Variants in TUBGCP6 observed in about 807,000 individuals in gnomAD.
The protein encoded by TUBGCP6 is gamma-tubulin complex component 6.
Under a neutral mutation model 175.8 loss-of-function variants are expected in TUBGCP6, and 161 were observed. That is an observed-to-expected ratio of 0.92 (90% CI 0.81 to 1.04). The LOEUF is 1.04. Ranked by LOEUF, TUBGCP6 falls within the 50% of genes least tolerant of loss-of-function variation. The pLI is 0.00. For missense variants in TUBGCP6, 2,572 were observed against 2,433.0 expected, an observed-to-expected ratio of 1.06 and a Z score of -1.20; for synonymous variants, 1,173 against 1,030.5, an observed-to-expected ratio of 1.14 and a Z score of -2.65.
chr22:50,240,413 C>T (rs754772527), intron 1 of TUBGCP6, 46 bp from the exon 2 acceptor site: 9 of 1,608,044 alleles, frequency 5.6e-6, no homozygotes, highest in Non-Finnish European at 6.0e-6. Flanking sequence ...GCTGTGTCCA[C>T]GTTTCATCCA....
chr22:50,226,137 G>C lies in TUBGCP6; in HGVS notation c.1746C>G (p.Asp582Glu). 6.2e-7 allele frequency: 1 copy of C among 1,614,184 alleles called. No individual in the cohort carries two copies. The highest frequency in any genetic ancestry group is 1.1e-5 in the South Asian group (1 of 91,092). The change falls in exon 9 of 25, where the codon GAC (aspartate) becomes GAG (glutamate). Residue 582 changes from aspartate to glutamate, a missense_variant. Asp to Glu is a conservative substitution (Grantham distance 45). Transcript: ENST00000248846. ...TGTGCTTCAGAAACACGGGAACACAGTCCTCCACCTCTTTGGAGATGAGCA... is the reference window on the plus strand; with the variant it reads ...TGTGCTTCAGAAACACGGGAACACACTCCTCCACCTCTTTGGAGATGAGCA... ...GYVLISKEVE[D>E]CVPVFLKHIA...
rs138258279 is a variant in TUBGCP6, at chr22:50,221,747, G to A, written c.2612C>T (p.Pro871Leu). 4.1e-5 allele frequency: 62 copies of A among 1,516,034 alleles called. No homozygotes were observed. The highest frequency in any genetic ancestry group is 9.0e-5 in the Admixed American group (4 of 44,354). The allele number at this position is 1,516,034 out of a possible 1,614,324, so 93.9% of individuals were successfully genotyped here. The change falls in exon 16 of 25, where the codon CCT (proline) becomes CTT (leucine). Residue 871 changes from proline (P) to leucine (L), a missense_variant. Transcript: ENST00000248846. Reference protein sequence around the residue: ...PGLLTPQPLKPLAVGAGGRGL... With the variant: ...PGLLTPQPLKLLAVGAGGRGL... Reference sequence around the variant, plus strand: ...CCTGCCACCAGCCCCCACTGCTAGAGGCTTAAGGGGCTGTGGGGTCAGCAG... The same window carrying A: ...CCTGCCACCAGCCCCCACTGCTAGAAGCTTAAGGGGCTGTGGGGTCAGCAG...
At chr22:50,232,902 C>A (rs1200694609) in intron 3 of TUBGCP6, among the ~76,000 whole-genome samples, 1 of 152,224 alleles carries the variant, frequency 6.6e-6, no homozygotes, top group Non-Finnish European at 1.5e-5. Context: ...ACCAGTAAGG[C>A]CCGGCCCCAT....
intron 10 of TUBGCP6, 130 bp from the exon 11 acceptor site, chr22:50,224,722 C>G (rs1247236197): frequency 1.2e-6 from 1 of 856,846 alleles, no homozygotes; most frequent in Non-Finnish European, 1.8e-6. Flanking sequence ...GCCTGGACAA[C>G]ATAGCAAAAA....
chr22:50,222,485 C>T lies in TUBGCP6; in HGVS notation c.2378G>A (p.Arg793His), dbSNP rs1455375079. The stretch of plus-strand genomic sequence containing the variant: ...GTGTTTCTCATCTTCTAAGAGAAAA[C>T]GAAGCCGTGCACTCTCCAGTCGGTG... ...QRHRLESARL[R>H]FLLEDEKHIQ... The change falls in exon 14 of 25, where the codon CGT becomes CAT. Residue 793 changes from arginine (R) to histidine (H), a missense_variant. Coordinates refer to ENST00000248846, the MANE Select transcript of TUBGCP6 (RefSeq NM_020461.4). 17 of 1,613,846 alleles carry T rather than the reference C, an allele frequency of 1.1e-5. No individual in the cohort carries two copies. The highest frequency in any genetic ancestry group is 1.1e-5 in the South Asian group (1 of 91,084).
At chr22:50,229,717 T>A in intron 3 of TUBGCP6, 140 bp from the exon 4 acceptor site, 1 of 767,166 alleles carries the variant, frequency 1.3e-6, no homozygotes, top group South Asian at 1.9e-5. Flanking sequence ...CCAGAAGGCA[T>A]ACCCAGAACT....
Position 50,226,386 on chromosome 22 carries a change from G to T in TUBGCP6, c.1602-8C>A. The stretch of plus-strand genomic sequence containing the variant: ...ACCCAGTCGTGGATGAACCTGCAGT[G>T]GGGGAAAAGCAGGGGTAGATGTGGT... On this transcript the variant is annotated splice_region_variant and splice_polypyrimidine_tract_variant and intron_variant, in intron 7 of 24. Transcript: ENST00000248846. 1.3e-6 allele frequency: 2 copies of T among 1,597,384 alleles called. No homozygotes were observed. The highest frequency in any genetic ancestry group is 1.7e-4 in the Middle Eastern group (1 of 6,044).
At chr22:50,225,719 C>T (rs1198654952) in intron 10 of TUBGCP6, 75 bp downstream of exon 10, 3 of 1,533,432 alleles carry the variant, frequency 2.0e-6, no homozygotes, top group Non-Finnish European at 2.6e-6. Context: ...CCCTCATGTC[C>T]GCCCCACCAA....
Position 50,229,749 on chromosome 22 carries a change from G to A in TUBGCP6, c.1117-172C>T, listed in dbSNP as rs776701717. On this transcript the variant is annotated intron_variant, in intron 3 of 24. Transcript: ENST00000248846. ...AACTCCCACACCGAGGGACCAAACC[G>A]AGGCACAAATCCTCACTGACCACAC... Among the ~76,000 whole-genome samples the A allele has an allele frequency of 1.1e-4, 16 of 152,188 alleles. No homozygotes were observed. In the East Asian group the frequency reaches 1.2e-3, roughly 11 times the overall value.
Position 50,219,444 on chromosome 22 carries a change from A to G in TUBGCP6, c.4328T>C (p.Ile1443Thr). Residue 1443 changes from isoleucine to threonine, a missense_variant, in exon 19 of 25, where the codon ATT becomes ACT. Transcript: ENST00000248846. The part of the protein sequence containing the change: ...DSYESMSEPP[I>T]AHLLRPVLPR... ...AAGCACGGGGCGCAAAAGATGAGCA[A>G]TGGGCGGCTCGGCTGCGGGAGATGG... 3 of 1,575,818 alleles carry G rather than the reference A, an allele frequency of 1.9e-6. No individual in the cohort carries two copies. The highest frequency in any genetic ancestry group is 2.6e-6 in the Non-Finnish European group (3 of 1,162,010).
chr22:50,226,717 C>G lies in TUBGCP6; in HGVS notation c.1601+16G>C. On this transcript the variant is annotated intron_variant, in intron 7 of 24. Coordinates refer to ENST00000248846, the MANE Select transcript of TUBGCP6 (RefSeq NM_020461.4). ...GGGAGTGCGCGCCCGCCGCGCCTGCCCAGCCCACTGCCCACCGGGTGTAGG... is the reference window on the plus strand; with the variant it reads ...GGGAGTGCGCGCCCGCCGCGCCTGCGCAGCCCACTGCCCACCGGGTGTAGG... 6.4e-7 allele frequency: 1 copy of G among 1,568,672 alleles called. No individual in the cohort carries two copies. Among genetic ancestry groups the G allele is most frequent in the Non-Finnish European group, 8.6e-7 (1 of 1,156,480 alleles).
intron 7 of TUBGCP6, 149 bp from the exon 8 acceptor site, chr22:50,226,527 A>T: frequency 3.6e-6 from 1 of 277,528 alleles, no homozygotes; most frequent in Non-Finnish European, 6.4e-6. Context: ...GTGGCCATCC[A>T]TGAGGGGCGG....
rs540804739 is a variant in TUBGCP6, at chr22:50,244,805, A to T, written c.-346T>A. 85 of 272,998 alleles carry T rather than the reference A, an allele frequency of 3.1e-4. No homozygotes were observed. The highest frequency in any genetic ancestry group is 1.9e-3 in the African/African-American group (83 of 44,732). 16.9% of individuals were successfully genotyped at this position (272,998 alleles called of 1,614,324 possible). A position where few individuals can be genotyped will look rare whatever the true frequency, so the allele number is the denominator to read the frequency against. ...AACGCGCGCCCGCGCAGTACAGCGGACGAACTCGGCTTTGCACCCGTTCTT... is the reference window on the plus strand; with the variant it reads ...AACGCGCGCCCGCGCAGTACAGCGGTCGAACTCGGCTTTGCACCCGTTCTT... On this transcript the variant is annotated 5_prime_UTR_variant, in exon 1 of 25. Transcript: ENST00000248846.
chr22:50,233,068 G>A (rs543280427), intron 3 of TUBGCP6, among the ~76,000 whole-genome samples: 1 of 152,338 alleles, frequency 6.6e-6, no homozygotes, highest in East Asian at 1.9e-4. Flanking sequence ...ATTTTCTATC[G>A]CTTTGCTGAC....
In TUBGCP6 at chr22:50,217,946, G is replaced by A. The variant is rs746411277; in HGVS notation, c.5340C>T (p.Phe1780=). Residue 1780 remains phenylalanine (F), a synonymous_variant, in exon 24 of 25, where the codon TTC becomes TTT. Transcript: ENST00000248846. ...FALMQQSYNT[F]KYYSHFLFKV... ...TGAAGAGAAAGTGGGAGTAGTACTT[G>A]AAGGTGTTGTAGGACTGCTGCATGA... The A allele has an allele frequency of 1.9e-6, 3 of 1,609,108 alleles. No homozygotes were observed. Among genetic ancestry groups the A allele is most frequent in the Middle Eastern group, 1.7e-4 (1 of 6,046 alleles).
Position 50,243,922 on chromosome 22 carries a change from G to T in TUBGCP6, c.538C>A (p.Gln180Lys), listed in dbSNP as rs143957857. 594 of 1,614,104 alleles carry T rather than the reference G, an allele frequency of 3.7e-4. 9 individuals are homozygous for T. The East Asian group carries it at 0.012, about 34-fold the overall frequency. Residue 180 changes from glutamine to lysine, a missense_variant, in exon 1 of 25, where the codon CAG (glutamine) becomes AAG (lysine). Transcript: ENST00000248846. Reference sequence around the variant, plus strand: ...GTGCCTGGAGCAGCCTCCATAACCTGAAGTGTTTCCTGGATCATGCTGTGA... The same window carrying T: ...GTGCCTGGAGCAGCCTCCATAACCTTAAGTGTTTCCTGGATCATGCTGTGA... ...LCHSMIQETL[Q>K]VMEAAPGTGL...
At chr22:50,230,591 G>A (rs1409449775) in intron 3 of TUBGCP6, among the ~76,000 whole-genome samples, 3 of 148,756 alleles carry the variant, frequency 2.0e-5, no homozygotes, top group Non-Finnish European at 4.4e-5. Flanking sequence ...GGGAGACAGA[G>A]CAAGACTCCG....
intron 13 of TUBGCP6, chr22:50,223,001 A>C: frequency 6.0e-6 from 1 of 166,778 alleles, no homozygotes. Context: ...CAAAACCAAC[A>C]CAAACGCTTT....
intron 16 of TUBGCP6, 86 bp downstream of exon 16, chr22:50,220,165 A>G: frequency 6.5e-7 from 1 of 1,548,764 alleles, no homozygotes; most frequent in South Asian, 1.2e-5. Flanking sequence ...GGAACTTCAC[A>G]TGCCACCAAC....
Sources: allele counts gnomAD v4.1 joint callset (sites outside exome capture counted in the v4.1 genomes callset), GRCh38; gene constraint gnomAD v4.1.1; transcripts MANE v1.5; gene names NCBI Gene and HGNC (gene_info 2026-07-23, HGNC 2026-07-21).